ARMCX4: variants seen among roughly 807,000 people sequenced by gnomAD.
ARMCX4 encodes the protein armadillo repeat-containing X-linked protein 4.
In ARMCX4, 3 loss-of-function variants were observed where a neutral mutation model predicts 34.7. The ratio of observed to expected loss-of-function variants is 0.09; its 90% confidence interval spans 0.04 to 0.22. The LOEUF is 0.22. ARMCX4 is among the 10% of genes least tolerant of loss of function. The probability of loss-of-function intolerance (pLI) is 1.00; values close to 1 mark genes in which losing one functional copy is unlikely to be tolerated. For missense variants in ARMCX4, 1,448 were observed against 1,720.8 expected, an observed-to-expected ratio of 0.84 and a Z score of 2.81; for synonymous variants, 513 against 632.8, an observed-to-expected ratio of 0.81 and a Z score of 2.84.
At chrX:101,525,551 G>A (rs1934948768) in intron 11 of ARMCX4, among the ~76,000 whole-genome samples, 1 of 111,725 alleles carries the variant, frequency 9.0e-6, no homozygotes, top group Non-Finnish European at 1.9e-5. Flanking sequence ...CAAACCCATT[G>A]CAAGGAAGCT....
intron 4 of ARMCX4, among the ~76,000 whole-genome samples, chrX:101,477,901 T>C (rs191913686): frequency 2.3e-4 from 26 of 112,192 alleles, no homozygotes; most frequent in Middle Eastern, 4.7e-3. Flanking sequence ...ATAATCTCAA[T>C]AGGAACCATA....
At chrX:101,504,199 A>G (rs1934384352) in intron 7 of ARMCX4, among the ~76,000 whole-genome samples, 1 of 111,328 alleles carries the variant, frequency 9.0e-6, no homozygotes, top group African/African-American at 3.3e-5. Flanking sequence ...GCCTTGTAGT[A>G]TAGTTTGAAG....
chrX:101,478,481 C>G (rs1933296842), intron 4 of ARMCX4, among the ~76,000 whole-genome samples: 1 of 111,265 alleles, frequency 9.0e-6, no homozygotes, highest in Admixed American at 9.6e-5. Context: ...CATCAGCAAC[C>G]AAAGAAAGGG....
intron 7 of ARMCX4, among the ~76,000 whole-genome samples, chrX:101,502,951 A>C: frequency 5.0e-5 from 3 of 59,766 alleles, no homozygotes; most frequent in South Asian, 1.4e-3. Context: ...CCACCCCACA[A>C]CAGGCCCTGG....
intron 4 of ARMCX4, among the ~76,000 whole-genome samples, chrX:101,461,995 CAAA>C (rs1556001282): frequency 9.0e-6 from 1 of 111,414 alleles, no homozygotes; most frequent in Non-Finnish European, 1.9e-5. Context: ...TCAATGATGT[CAAA>C]AGAAAATTCA....
At chrX:101,424,758 G>A (rs1219730022) in intron 2 of ARMCX4, among the ~76,000 whole-genome samples, 3 of 111,991 alleles carry the variant, frequency 2.7e-5, no homozygotes, top group Non-Finnish European at 3.8e-5. Context: ...TTTCTGGCTT[G>A]TACAACTGGA....
chrX:101,458,569 C>A (rs1314748488), intron 4 of ARMCX4, among the ~76,000 whole-genome samples: 1 of 107,482 alleles, frequency 9.3e-6, no homozygotes, highest in Non-Finnish European at 1.9e-5. Flanking sequence ...TCACTGCAAC[C>A]TCTGCCTCCC....
intron 2 of ARMCX4, among the ~76,000 whole-genome samples, chrX:101,441,069 G>A (rs573766301): frequency 9.0e-6 from 1 of 111,050 alleles, no homozygotes; most frequent in Non-Finnish European, 1.9e-5. Context: ...CGTCCCTCAC[G>A]CTGGGAGCTG....
downstream of ARMCX4, among the ~76,000 whole-genome samples, chrX:101,452,809 G>T (rs782553651): frequency 1.5e-3 from 169 of 109,791 alleles, 1 homozygote; most frequent in African/African-American, 5.5e-3. Flanking sequence ...ACCCACCTCG[G>T]CCTCCCAAAG....
intron 3 of ARMCX4, among the ~76,000 whole-genome samples, chrX:101,445,671 G>A (rs1231313778): frequency 8.9e-6 from 1 of 111,918 alleles, no homozygotes; most frequent in Non-Finnish European, 1.9e-5. Flanking sequence ...TACATAAATG[G>A]TGTTTATTAT....
intron 11 of ARMCX4, among the ~76,000 whole-genome samples, chrX:101,516,300 T>G (rs1209323621): frequency 8.9e-6 from 1 of 111,746 alleles, no homozygotes; most frequent in Non-Finnish European, 1.9e-5. Flanking sequence ...AATAACTTTA[T>G]AAACAGCGGA....
intron 11 of ARMCX4, among the ~76,000 whole-genome samples, chrX:101,511,919 CT>C (rs1190863347): frequency 1.3e-3 from 131 of 103,511 alleles, no homozygotes; most frequent in Non-Finnish European, 1.2e-3. Flanking sequence ...TTAATTATTC[CT>C]TTTTTTTTTT....
chrX:101,461,260 C>A (rs1225325952), intron 4 of ARMCX4, among the ~76,000 whole-genome samples: 1 of 111,630 alleles, frequency 9.0e-6, no homozygotes, highest in African/African-American at 3.3e-5. Context: ...CTGGCAACCA[C>A]CATCCTTTTC....
chrX:101,428,313 A>G (rs1555991323), intron 2 of ARMCX4, among the ~76,000 whole-genome samples: 1 of 112,482 alleles, frequency 8.9e-6, no homozygotes, highest in South Asian at 3.6e-4. Context: ...TTACATTTAT[A>G]TAGTATAGGA....
intron 4 of ARMCX4, among the ~76,000 whole-genome samples, chrX:101,458,562 C>T (rs1932441902): frequency 2.8e-5 from 3 of 106,259 alleles, no homozygotes; most frequent in African/African-American, 1.0e-4. Context: ...TCTCGACTCA[C>T]TGCAACCTCT....
chrX:101,505,572 C>T (rs1210885523), intron 8 of ARMCX4, among the ~76,000 whole-genome samples: 2 of 110,917 alleles, frequency 1.8e-5, no homozygotes, highest in African/African-American at 6.6e-5. Flanking sequence ...GTGAAGAGTA[C>T]AGATGGAAAA....
At chrX:101,517,257 G>A (rs180700377) in intron 11 of ARMCX4, among the ~76,000 whole-genome samples, 122 of 112,386 alleles carry the variant, frequency 1.1e-3, no homozygotes, top group Middle Eastern at 4.6e-3. Flanking sequence ...TATTTGAAAG[G>A]AAAATATGGG....
Position 101,529,880 on chromosome X carries a change from TTGG to T in ARMCX4, c.*1781-1760_*1781-1758del, listed in dbSNP as rs782072539. 6.0e-3 allele frequency among the ~76,000 whole-genome samples: 671 copies of T among 111,746 alleles called. 1 individual carries two copies. Among genetic ancestry groups the T allele is most frequent in the Non-Finnish European group, 8.6e-3 (457 of 53,093 alleles). ...GAGAAATAGCAACACTTTTACACTG[TTGG>T]TGGGAGTGTAAACTAGTTCAACCAT... On this transcript the variant is annotated intron_variant and NMD_transcript_variant, in intron 11 of 12. Transcript: ENST00000354842.
chrX:101,531,124 A>G (rs1325446504), intron 11 of ARMCX4, among the ~76,000 whole-genome samples: 6 of 111,815 alleles, frequency 5.4e-5, no homozygotes, highest in African/African-American at 1.9e-4. Context: ...GGCGGCCTGA[A>G]TTCCACTGTT....
Sources: allele counts gnomAD v4.1 joint callset (sites outside exome capture counted in the v4.1 genomes callset), GRCh38; gene constraint gnomAD v4.1.1; transcripts MANE v1.5; gene names NCBI Gene and HGNC (gene_info 2026-07-23, HGNC 2026-07-21).